FZR1: variants seen among roughly 807,000 people sequenced by gnomAD.
FZR1 encodes the protein fizzy and cell division cycle 20 related 1.
Under a neutral mutation model 63.6 loss-of-function variants are expected in FZR1, and 11 were observed. That is an observed-to-expected ratio of 0.17 (90% confidence interval 0.11 to 0.29). FZR1 has a LOEUF of 0.29. FZR1 is among the 10% of genes least tolerant of loss of function. The pLI is 1.00. For synonymous variants in FZR1, 328 were observed against 297.9 expected (o/e 1.10, Z -1.04); for missense variants, 440 against 687.5 (o/e 0.64, Z 4.03).
intron 1 of FZR1, among the ~76,000 whole-genome samples, chr19:3,509,561 G>A (rs937924679): frequency 2.0e-5 from 3 of 152,128 alleles, no homozygotes; most frequent in African/African-American, 4.8e-5. Context: ...GGCTCGGGCC[G>A]CCATCACCTC....
intron 1 of FZR1, among the ~76,000 whole-genome samples, chr19:3,508,260 G>A (rs1459015263): frequency 1.4e-5 from 2 of 144,678 alleles, no homozygotes; most frequent in African/African-American, 5.1e-5. Context: ...CCAGTGGCGC[G>A]ATCTCGGCTC....
intron 7 of FZR1, 30 bp from the exon 8 acceptor site, chr19:3,530,762 G>A (rs374946670): frequency 1.9e-5 from 31 of 1,593,060 alleles, no homozygotes; most frequent in African/African-American, 6.7e-5. Flanking sequence ...CGAGACCAGC[G>A]GCAAAGCTCA....
intron 7 of FZR1, among the ~76,000 whole-genome samples, chr19:3,528,394 G>A (rs576151271): frequency 2.0e-5 from 3 of 152,304 alleles, no homozygotes; most frequent in East Asian, 1.9e-4. Context: ...TGCTCCCGCT[G>A]GCAGTGTCCC....
At position 3,514,607 on chromosome 19, in the gene FZR1, G is replaced by GC. The variant is rs1198434669; in HGVS notation, c.-35+8136dup. Among the ~76,000 whole-genome samples, 1 of 152,136 alleles carries GC rather than the reference G, an allele frequency of 6.6e-6. No homozygotes were observed. Among genetic ancestry groups the GC allele is most frequent in the Non-Finnish European group, 1.5e-5 (1 of 68,006 alleles). On this transcript the variant is annotated intron_variant, in intron 1 of 13. Transcript: ENST00000441788. The surrounding 1 kb of genome is among the most constrained non-coding windows in gnomAD (Gnocchi z 4.2). ...GAGACTCTGCGTCCCATGATCCTCT[G>GC]CCCTGCTGAGGTCCCAGGAGGCTGC...
At chr19:3,529,937 C>G (rs369055401) in intron 7 of FZR1, among the ~76,000 whole-genome samples, 1 of 96,692 alleles carries the variant, frequency 1.0e-5, no homozygotes. Context: ...GATGGGAGAG[C>G]GCATGGGTGA....
rs907908436 is a variant in FZR1, at chr19:3,533,122, C to G, written c.1243-172C>G. ...GAGGGGTCCACCTGTGGCCTCCACA[C>G]CTCCTAGACAGACTCAGGTGGCAGA... On this transcript the variant is annotated intron_variant, in intron 11 of 13. Coordinates refer to ENST00000441788, the MANE Select transcript of FZR1 (RefSeq NM_016263.4). The surrounding 1 kb of genome is among the most constrained non-coding windows in gnomAD (Gnocchi z 4.9). Among the ~76,000 whole-genome samples the G allele has an allele frequency of 8.5e-5, 13 of 152,108 alleles. No individual in the cohort carries two copies. The highest frequency in any genetic ancestry group is 2.7e-4 in the African/African-American group (11 of 41,416).
intron 7 of FZR1, among the ~76,000 whole-genome samples, chr19:3,530,405 A>G (rs1361604687): frequency 8.9e-6 from 1 of 112,210 alleles, no homozygotes; most frequent in Non-Finnish European, 1.9e-5. Context: ...AGCGGATGGG[A>G]GAGCGCATGG....
chr19:3,535,167 CTG>C lies in FZR1; in HGVS notation c.*333_*334del. On this transcript the variant is annotated 3_prime_UTR_variant, in exon 14 of 14. Coordinates refer to ENST00000441788, the MANE Select transcript of FZR1 (RefSeq NM_016263.4). Reference sequence around the variant, plus strand: ...CCCCTGGGACCCTCACTGCCTCCGTCTGTTCATCACCTGCCCACCGGAGCCGC... The same window carrying C: ...CCCCTGGGACCCTCACTGCCTCCGTCTTCATCACCTGCCCACCGGAGCCGC... The C allele has an allele frequency of 2.5e-6, 1 of 401,630 alleles. No individual in the cohort carries two copies. The highest frequency in any genetic ancestry group is 4.6e-6 in the Non-Finnish European group (1 of 215,582). 24.9% of individuals were successfully genotyped at this position (401,630 alleles called of 1,614,324 possible).
chr19:3,524,864 C>G (rs1333217098), intron 2 of FZR1, among the ~76,000 whole-genome samples: 1 of 152,144 alleles, frequency 6.6e-6, no homozygotes, highest in African/African-American at 2.4e-5. Context: ...TGCTTGTCAT[C>G]AAATCAGGGC....
At position 3,537,793 on chromosome 19, in the gene FZR1, G is replaced by C. The variant is rs2030041746; in HGVS notation, c.*2957G>C. The C allele has an allele frequency of 6.6e-6, 1 of 152,620 alleles. No homozygotes were observed. Among genetic ancestry groups the C allele is most frequent in the Admixed American group, 6.5e-5 (1 of 15,290 alleles). The allele number at this position is 152,620 out of a possible 1,614,324, so 9.5% of individuals were successfully genotyped here. Reference sequence around the variant, plus strand: ...AAACCGAGCAGACCTGGCCCATGTGGAGCTGGCATGGGGGACACAGCCCAG... The same window carrying C: ...AAACCGAGCAGACCTGGCCCATGTGCAGCTGGCATGGGGGACACAGCCCAG... On this transcript the variant is annotated 3_prime_UTR_variant, in exon 14 of 14. Transcript: ENST00000441788.
chr19:3,524,707 G>A (rs528654131), intron 2 of FZR1, among the ~76,000 whole-genome samples: 1 of 152,286 alleles, frequency 6.6e-6, no homozygotes, highest in East Asian at 1.9e-4. Flanking sequence ...TTCCTCTCGA[G>A]GCTCCAGGGG....
At position 3,537,704 on chromosome 19, in the gene FZR1, C is replaced by G. The variant is rs547481113; in HGVS notation, c.*2868C>G. 1 of 152,812 alleles carries G rather than the reference C, an allele frequency of 6.5e-6. No homozygotes were observed. The highest frequency in any genetic ancestry group is 2.4e-5 in the African/African-American group (1 of 41,552). 9.5% of individuals were successfully genotyped at this position (152,812 alleles called of 1,614,324 possible). ...CAGGTGGTTTTGAGGCTCGCTCTTG[C>G]GCGGTGCCTGAGAAGAGGGTGAAGG... On this transcript the variant is annotated 3_prime_UTR_variant, in exon 14 of 14. Transcript: ENST00000441788.
intron 1 of FZR1, among the ~76,000 whole-genome samples, chr19:3,506,757 G>T (rs2082986643): frequency 6.6e-6 from 1 of 151,758 alleles, no homozygotes; most frequent in Non-Finnish European, 1.5e-5. Context: ...TGACCTCCCC[G>T]CAGCCGCCGT....
At chr19:3,534,674 C>A in intron 13 of FZR1, 121 bp from the exon 14 acceptor site, 1 of 976,070 alleles carries the variant, frequency 1.0e-6, no homozygotes. Context: ...TGTGGCAGGC[C>A]GAGGCTGAAC....
intron 1 of FZR1, among the ~76,000 whole-genome samples, chr19:3,521,553 G>GTGCAGCGGCACGATCTCAGCTCAC (rs1208451104): frequency 1.3e-5 from 2 of 151,950 alleles, no homozygotes; most frequent in Non-Finnish European, 2.9e-5. Context: ...CCAGGCAGGA[G>GTGCAGCGGCACGATCTCAGCTCAC]TGCAGCGGCA....
chr19:3,531,899 C>T lies in FZR1; in HGVS notation c.824-12C>T. The T allele has an allele frequency of 6.3e-7, 1 of 1,587,884 alleles. No individual in the cohort carries two copies. The highest frequency in any genetic ancestry group is 1.1e-5 in the South Asian group (1 of 87,254). ...CAGGAGAGGCTCACCCCCGCTTCCA[C>T]CTGGCCTCCAGGGGCGCTGGCCTGG... On this transcript the variant is annotated splice_polypyrimidine_tract_variant and intron_variant, in intron 9 of 13. Transcript: ENST00000441788.
chr19:3,512,402 T>G (rs1176456175), intron 1 of FZR1, among the ~76,000 whole-genome samples: 2 of 152,176 alleles, frequency 1.3e-5, no homozygotes, highest in Non-Finnish European at 2.9e-5. Context: ...TTGTCCCTGC[T>G]TAACTGATGA....
Position 3,535,140 on chromosome 19 carries a change from G to A in FZR1, c.*304G>A. 1 of 454,708 alleles carries A rather than the reference G, an allele frequency of 2.2e-6. No homozygotes were observed. Among genetic ancestry groups the A allele is most frequent in the Non-Finnish European group, 4.0e-6 (1 of 248,038 alleles). 28.2% of individuals were successfully genotyped at this position (454,708 alleles called of 1,614,324 possible). On this transcript the variant is annotated 3_prime_UTR_variant, in exon 14 of 14. Transcript: ENST00000441788. ...ACCGTCTGTACTCAGAGCGACGGATGCCCCCTGGGACCCTCACTGCCTCCG... is the reference window on the plus strand; with the variant it reads ...ACCGTCTGTACTCAGAGCGACGGATACCCCCTGGGACCCTCACTGCCTCCG...
chr19:3,523,493 C>G lies in FZR1; in HGVS notation c.69+435C>G, dbSNP rs138076047. ...CTTGCCCTGGGCTCCAGGCAGGCCA[C>G]TGGCCACACAGGGTCTCGGGGCTGG... On this transcript the variant is annotated intron_variant, in intron 2 of 13. Coordinates refer to ENST00000441788, the MANE Select transcript of FZR1 (RefSeq NM_016263.4). Among the ~76,000 whole-genome samples, 181 of 152,372 alleles carry G rather than the reference C, an allele frequency of 1.2e-3. 1 individual carries two copies. In the South Asian group the frequency reaches 0.017, roughly 14 times the overall value.
Sources: gnomAD v4.1 joint callset for allele counts (sites outside exome capture counted in the v4.1 genomes callset) on GRCh38, gnomAD v4.1.1 for gene constraint, Gnocchi (gnomAD v3.1) non-coding constraint, MANE v1.5 for transcripts, NCBI Gene and HGNC (gene_info 2026-07-23, HGNC 2026-07-21) for gene names.